Variants in DSCAML1 observed in about 807,000 individuals in gnomAD.
The protein encoded by DSCAML1 is cell adhesion molecule DSCAML1.
A neutral mutation model predicts 200.5 loss-of-function variants in DSCAML1; 38 were observed. That is an observed-to-expected ratio of 0.19 (90% CI 0.15 to 0.25). The LOEUF (loss-of-function observed/expected upper bound fraction) is 0.25, where lower values mean the gene tolerates loss of function less well. Ranked by LOEUF, DSCAML1 falls within the 10% of genes least tolerant of loss-of-function variation. The pLI is 1.00. For missense variants in DSCAML1, 2,223 were observed against 2,858.8 expected, an observed-to-expected ratio of 0.78 and a Z score of 5.07; for synonymous variants, 1,215 against 1,165.0, an observed-to-expected ratio of 1.04 and a Z score of -0.87.
chr11:117,465,809 G>A (rs1310985078), intron 16 of DSCAML1, among the ~76,000 whole-genome samples: 1 of 152,186 alleles, frequency 6.6e-6, no homozygotes, highest in Non-Finnish European at 1.5e-5. Flanking sequence ...CATGGGTTCA[G>A]GGGCCTGGGG....
At chr11:117,492,870 C>T (rs756231111) in intron 11 of DSCAML1, among the ~76,000 whole-genome samples, 3 of 152,166 alleles carry the variant, frequency 2.0e-5, no homozygotes, top group Admixed American at 6.5e-5. Flanking sequence ...AGGGCCATGG[C>T]GTTGTTAATT....
chr11:117,594,543 G>A (rs1392709267), intron 3 of DSCAML1, among the ~76,000 whole-genome samples: 1 of 152,226 alleles, frequency 6.6e-6, no homozygotes, highest in East Asian at 1.9e-4. Context: ...CTGGGTGTCA[G>A]CTTCTGTGAA....
chr11:117,457,850 A>G (rs961623916), intron 19 of DSCAML1, among the ~76,000 whole-genome samples: 1 of 152,188 alleles, frequency 6.6e-6, no homozygotes, highest in African/African-American at 2.4e-5. Context: ...CCTCGAAAAA[A>G]CTAAGGGTGA....
intron 3 of DSCAML1, among the ~76,000 whole-genome samples, chr11:117,758,286 T>G (rs2054733060): frequency 6.9e-6 from 1 of 144,710 alleles, no homozygotes; most frequent in African/African-American, 2.6e-5. Flanking sequence ...GGCGACAGAG[T>G]GAGACTCCAT....
chr11:117,688,123 G>A (rs1249893009), intron 3 of DSCAML1, among the ~76,000 whole-genome samples: 3 of 152,244 alleles, frequency 2.0e-5, no homozygotes, highest in Non-Finnish European at 4.4e-5. Context: ...GGGAAGAATG[G>A]AATTCTCAAT....
intron 3 of DSCAML1, among the ~76,000 whole-genome samples, chr11:117,769,419 ATATTATATATATTTT>A: frequency 1.5e-5 from 1 of 68,784 alleles, no homozygotes; most frequent in East Asian, 3.8e-4. Flanking sequence ...TATTTTATAT[ATATTATATATATTTT>A]TATATAATAT....
chr11:117,432,912 T>C (rs2047832083), intron 29 of DSCAML1, among the ~76,000 whole-genome samples: 1 of 152,096 alleles, frequency 6.6e-6, no homozygotes, highest in Non-Finnish European at 1.5e-5. Flanking sequence ...ACCCAGACTT[T>C]ATCCAATGTT....
chr11:117,700,393 T>C (rs907920802), intron 3 of DSCAML1, among the ~76,000 whole-genome samples: 1 of 152,096 alleles, frequency 6.6e-6, no homozygotes, highest in African/African-American at 2.4e-5. Context: ...CCTATCCTCC[T>C]TCATGCCAAG....
At chr11:117,699,959 G>A (rs1028054973) in intron 3 of DSCAML1, among the ~76,000 whole-genome samples, 2 of 152,198 alleles carry the variant, frequency 1.3e-5, no homozygotes, top group East Asian at 1.9e-4. Context: ...ACAGAGGGTC[G>A]AGAGTTAGTA....
At position 117,503,564 on chromosome 11, in the gene DSCAML1, G is replaced by A. The variant is rs1328165976; in HGVS notation, c.2359+281C>T. 1.3e-5 allele frequency among the ~76,000 whole-genome samples: 2 copies of A among 152,218 alleles called. No homozygotes were observed. Among genetic ancestry groups the A allele is most frequent in the Admixed American group, 6.5e-5 (1 of 15,290 alleles). ...TCGAATCGCCAATCTACAGACCAAAGTAAACAGGATGCTACGTGATATTGC... is the reference window on the plus strand; with the variant it reads ...TCGAATCGCCAATCTACAGACCAAAATAAACAGGATGCTACGTGATATTGC... On this transcript the variant is annotated intron_variant, in intron 11 of 32. Coordinates refer to ENST00000651296, the MANE Select transcript of DSCAML1 (RefSeq NM_020693.4). The surrounding 1 kb of genome is among the most constrained non-coding windows in gnomAD (Gnocchi z 5.2).
intron 3 of DSCAML1, among the ~76,000 whole-genome samples, chr11:117,617,696 A>G (rs1198502070): frequency 2.7e-5 from 4 of 149,446 alleles, no homozygotes; most frequent in Admixed American, 6.7e-5. Context: ...ACACACACAC[A>G]CACACACACA....
At chr11:117,737,534 G>A (rs1170099470) in intron 3 of DSCAML1, among the ~76,000 whole-genome samples, 2 of 152,194 alleles carry the variant, frequency 1.3e-5, no homozygotes, top group African/African-American at 4.8e-5. Context: ...CAGGCTGGGG[G>A]CCTACAGAGC....
At chr11:117,472,149 C>G (rs2048699541) in intron 14 of DSCAML1, 113 bp from the exon 15 acceptor site, 1 of 1,190,136 alleles carries the variant, frequency 8.4e-7, no homozygotes, top group Admixed American at 2.0e-5. Flanking sequence ...GGGTCCAGCT[C>G]ACACAGACTG....
chr11:117,755,794 A>G (rs1441351262), intron 3 of DSCAML1, among the ~76,000 whole-genome samples: 1 of 152,174 alleles, frequency 6.6e-6, no homozygotes, highest in East Asian at 1.9e-4. Context: ...ACAAAGGAGC[A>G]CCTGGCTGTG....
At chr11:117,531,675 G>A (rs2050078815) in intron 4 of DSCAML1, among the ~76,000 whole-genome samples, 1 of 151,998 alleles carries the variant, frequency 6.6e-6, no homozygotes, top group Admixed American at 6.5e-5. Context: ...CCTGAGGTCA[G>A]GAGTTCAAGA....
At chr11:117,700,716 G>A (rs2053651784) in intron 3 of DSCAML1, among the ~76,000 whole-genome samples, 1 of 152,226 alleles carries the variant, frequency 6.6e-6, no homozygotes, top group South Asian at 2.1e-4. Context: ...ATAGAAACAT[G>A]TCTGTGCCAG....
At chr11:117,573,860 C>T (rs957826584) in intron 3 of DSCAML1, among the ~76,000 whole-genome samples, 5 of 152,186 alleles carry the variant, frequency 3.3e-5, no homozygotes, top group Non-Finnish European at 5.9e-5. Context: ...CTTCAGGGCC[C>T]CTGGCACAGC....
chr11:117,720,918 C>T (rs529593822), intron 3 of DSCAML1, among the ~76,000 whole-genome samples: 3 of 152,356 alleles, frequency 2.0e-5, no homozygotes, highest in East Asian at 3.9e-4. Context: ...ACATGAGGGA[C>T]AGGCACAGAC....
At chr11:117,619,831 A>T (rs993343013) in intron 3 of DSCAML1, among the ~76,000 whole-genome samples, 1 of 152,138 alleles carries the variant, frequency 6.6e-6, no homozygotes, top group African/African-American at 2.4e-5. Context: ...TTCTACAACA[A>T]ATTCTTGTGG....
Sources: allele counts gnomAD v4.1 joint callset (sites outside exome capture counted in the v4.1 genomes callset), GRCh38; gene constraint gnomAD v4.1.1; non-coding constraint Gnocchi (gnomAD v3.1); transcripts MANE v1.5; gene names NCBI Gene and HGNC (gene_info 2026-07-23, HGNC 2026-07-21).